STK39: variants seen among roughly 807,000 people sequenced by gnomAD.
STK39 encodes the protein STE20/SPS1-related proline-alanine-rich protein kinase.
Under a neutral mutation model 77.8 loss-of-function variants are expected in STK39, and 20 were observed. That is an observed-to-expected ratio of 0.26 (90% CI 0.18 to 0.37). The LOEUF is 0.37. Among genes scored for constraint, STK39 ranks in the 10% least tolerant of loss-of-function variants. STK39 has a pLI of 1.00. For synonymous variants in STK39, 246 were observed against 234.1 expected (o/e 1.05, Z -0.47); for missense variants, 479 against 656.5 (o/e 0.73, Z 2.95).
chr2:168,201,790 C>G (rs1170250002), intron 1 of STK39, among the ~76,000 whole-genome samples: 1 of 152,134 alleles, frequency 6.6e-6, no homozygotes, highest in Non-Finnish European at 1.5e-5. Flanking sequence ...AGTCACAATT[C>G]CCTCAGCCAA....
intron 2 of STK39, among the ~76,000 whole-genome samples, chr2:168,176,133 G>A (rs1226536656): frequency 1.3e-5 from 2 of 152,068 alleles, no homozygotes; most frequent in Admixed American, 6.5e-5. Context: ...TCGTTGATGC[G>A]ATAAAGAAAA....
intron 10 of STK39, among the ~76,000 whole-genome samples, chr2:168,094,446 GCCCTTTACAACCAAACTTTGAAAAATCAC>G (rs567347225): frequency 2.0e-3 from 305 of 152,244 alleles, no homozygotes; most frequent in Middle Eastern, 0.01. Flanking sequence ...GTGTCTTCCT[GCCCTTTACAACCAAACTTTGAAAAATCAC>G]CCACTTGCAC....
intron 5 of STK39, among the ~76,000 whole-genome samples, chr2:168,142,295 T>C (rs1024956890): frequency 2.0e-5 from 3 of 152,176 alleles, no homozygotes; most frequent in Non-Finnish European, 4.4e-5. Context: ...AAAATATATA[T>C]GATAAAACTT....
chr2:168,107,963 A>T (rs921961308), intron 10 of STK39, among the ~76,000 whole-genome samples: 2 of 152,232 alleles, frequency 1.3e-5, no homozygotes, highest in African/African-American at 4.8e-5. Flanking sequence ...TGTATGGTCA[A>T]ATCATTTCCA....
intron 16 of STK39, among the ~76,000 whole-genome samples, chr2:167,967,728 G>C (rs1291387413): frequency 6.6e-6 from 1 of 152,128 alleles, no homozygotes; most frequent in Non-Finnish European, 1.5e-5. Context: ...AACTAAGTCA[G>C]GCATTCTCCA....
At chr2:168,122,750 T>C (rs1455022715) in intron 10 of STK39, among the ~76,000 whole-genome samples, 2 of 152,206 alleles carry the variant, frequency 1.3e-5, no homozygotes, top group Non-Finnish European at 2.9e-5. Flanking sequence ...AAGGTGTTTT[T>C]ATACACAAGA....
chr2:168,043,927 A>G (rs2105356105), intron 14 of STK39, among the ~76,000 whole-genome samples: 1 of 152,328 alleles, frequency 6.6e-6, no homozygotes, highest in African/African-American at 2.4e-5. Flanking sequence ...CTACACTCGC[A>G]ATTCTTTATA....
intron 1 of STK39, among the ~76,000 whole-genome samples, chr2:168,223,884 G>A (rs1481604467): frequency 6.6e-6 from 1 of 152,024 alleles, no homozygotes; most frequent in African/African-American, 2.4e-5. Context: ...CTGGTATGGA[G>A]GAAAAAATCC....
At chr2:167,956,728 T>TCCCCCCCCCCCCC (rs1235889078) in intron 17 of STK39, among the ~76,000 whole-genome samples, 3 of 53,594 alleles carry the variant, frequency 5.6e-5, no homozygotes, top group Admixed American at 2.0e-4. Flanking sequence ...TCTCTCTCTC[T>TCCCCCCCCCCCCC]CCCCCCCCGC....
chr2:167,995,774 A>G (rs1370049142), intron 16 of STK39, among the ~76,000 whole-genome samples: 3 of 152,180 alleles, frequency 2.0e-5, no homozygotes, highest in African/African-American at 7.2e-5. Flanking sequence ...CCAAGCAGTA[A>G]TTCAACAATG....
chr2:168,184,781 G>A (rs1689167462), intron 1 of STK39, among the ~76,000 whole-genome samples: 1 of 152,140 alleles, frequency 6.6e-6, no homozygotes, highest in African/African-American at 2.4e-5. Context: ...ACTGCTTTAT[G>A]AAACTTTTGT....
intron 1 of STK39, among the ~76,000 whole-genome samples, chr2:168,209,670 A>T (rs913777416): frequency 2.6e-5 from 4 of 151,532 alleles, no homozygotes; most frequent in Admixed American, 2.6e-4. Context: ...GACAAGAGCA[A>T]AACTCTGTCT....
At chr2:168,183,966 G>T (rs949532954) in intron 1 of STK39, among the ~76,000 whole-genome samples, 2 of 152,156 alleles carry the variant, frequency 1.3e-5, no homozygotes, top group African/African-American at 4.8e-5. Context: ...ACTGGGCCTG[G>T]TACCCAGCAG....
intron 14 of STK39, among the ~76,000 whole-genome samples, chr2:168,034,039 T>G (rs1451305986): frequency 1.3e-5 from 2 of 152,206 alleles, no homozygotes; most frequent in African/African-American, 4.8e-5. Context: ...ATCTTTTCTG[T>G]CTCATCCCTT....
chr2:168,242,711 C>T (rs1250051236), intron 1 of STK39, among the ~76,000 whole-genome samples: 2 of 149,128 alleles, frequency 1.3e-5, no homozygotes, highest in East Asian at 3.9e-4. Flanking sequence ...AGTGAGACCC[C>T]CATTTCTTAA....
rs1683799101 is a variant in STK39 at position 167,995,090 on chromosome 2, T to C, written c.1498+17544A>G. On this transcript the variant is annotated intron_variant, in intron 16 of 17. Coordinates refer to ENST00000355999, the MANE Select transcript of STK39 (RefSeq NM_013233.3). Reference sequence around the variant, plus strand: ...ATTAAAACATTTAAAATATATATATTATATATATATTTTTCTTTTGTTTTG... The same window carrying C: ...ATTAAAACATTTAAAATATATATATCATATATATATTTTTCTTTTGTTTTG... Among the ~76,000 whole-genome samples the C allele has an allele frequency of 3.1e-5, 4 of 128,176 alleles. No homozygotes were observed. In the South Asian group the frequency reaches 9.1e-4, roughly 29 times the overall value. 84.1% of individuals were successfully genotyped at this position (128,176 alleles called of 152,430 possible). A position where few individuals can be genotyped will look rare whatever the true frequency, so the allele number is the denominator to read the frequency against.
In STK39 at chr2:168,052,261, C is replaced by T. The variant is rs116420100; in HGVS notation, c.1376+11239G>A. Among the ~76,000 whole-genome samples the T allele has an allele frequency of 1.9e-3, 294 of 152,238 alleles. 1 individual carries two copies. Among genetic ancestry groups the T allele is most frequent in the Non-Finnish European group, 3.3e-3 (225 of 68,016 alleles). On this transcript the variant is annotated intron_variant, in intron 14 of 17. Transcript: ENST00000355999. Reference sequence around the variant, plus strand: ...TGCAGTTCTTGCCTGCTGGACTGATCGTTTGGTCATATTTCCAGGACTCTC... The same window carrying T: ...TGCAGTTCTTGCCTGCTGGACTGATTGTTTGGTCATATTTCCAGGACTCTC...
At chr2:167,983,430 C>A (rs1248270431) in intron 16 of STK39, among the ~76,000 whole-genome samples, 3 of 125,680 alleles carry the variant, frequency 2.4e-5, no homozygotes, top group East Asian at 5.2e-4. Context: ...CTCCAGCCTG[C>A]GCAACAAGAG....
chr2:168,030,953 G>A (rs6433030), intron 14 of STK39, among the ~76,000 whole-genome samples: 7,086 of 152,256 alleles, frequency 0.047, 540 homozygotes, highest in African/African-American at 0.16. Context: ...CCAGGAGACC[G>A]GATGAGGACA....
Sources: allele counts gnomAD v4.1 joint callset (sites outside exome capture counted in the v4.1 genomes callset), GRCh38; gene constraint gnomAD v4.1.1; transcripts MANE v1.5; gene names NCBI Gene and HGNC (gene_info 2026-07-23, HGNC 2026-07-21).